MTRR: variants seen among roughly 807,000 people sequenced by gnomAD.
The protein encoded by MTRR is 5-methyltetrahydrofolate-homocysteine methyltransferase reductase.
A neutral mutation model predicts 79.2 loss-of-function variants in MTRR; 63 were observed. The observed-to-expected ratio is 0.80, with a 90% CI of 0.65 to 0.98. The LOEUF (loss-of-function observed/expected upper bound fraction) is 0.98, where lower values mean the gene tolerates loss of function less well. Among genes scored for constraint, MTRR ranks in the 50% least tolerant of loss-of-function variants. The probability of loss-of-function intolerance (pLI) is 0.00; values close to 1 mark genes in which losing one functional copy is unlikely to be tolerated. For synonymous variants in MTRR, 355 were observed against 313.3 expected (o/e 1.13, Z -1.41); for missense variants, 895 against 839.6 (o/e 1.07, Z -0.82).
Position 7,878,231 on chromosome 5 carries a change from G to T in MTRR, c.689G>T (p.Arg230Leu). ...VIEDFESSLT[R>L]SVPPLSQASL... ...GAAGACTTTGAGTCCTCACTTACCC[G>T]TTCGGTACCCCCACTCTCACAAGCC... The change falls in exon 5 of 15, where the codon CGT (arginine) becomes CTT (leucine). Residue 230 changes from arginine (R) to leucine (L), a missense_variant. Arg to Leu is a moderately radical substitution (Grantham distance 102, BLOSUM62 -2). Coordinates refer to ENST00000440940, the MANE Select transcript of MTRR (RefSeq NM_002454.3). The T allele has an allele frequency of 6.2e-7, 1 of 1,614,174 alleles. No homozygotes were observed. Among genetic ancestry groups the T allele is most frequent in the Non-Finnish European group, 8.5e-7 (1 of 1,180,036 alleles).
chr5:7,867,232 G>C (rs1300656655), upstream of MTRR: 1 of 1,613,994 alleles, frequency 6.2e-7, no homozygotes, highest in South Asian at 1.1e-5. Flanking sequence ...CTATTGATAG[G>C]GAAAAGTTGT....
rs867018730 is a variant in MTRR at position 7,878,174 on chromosome 5, C to T, written c.632C>T (p.Ala211Val). 2 of 1,614,148 alleles carry T rather than the reference C, an allele frequency of 1.2e-6. No individual in the cohort carries two copies. Among genetic ancestry groups the T allele is most frequent in the African/African-American group, 1.3e-5 (1 of 75,030 alleles). The change falls in exon 5 of 15, where the codon GCA (alanine) becomes GTA (valine). Residue 211 changes from alanine to valine, a missense_variant. By Grantham distance (64) the Ala-to-Val change is moderately conservative. Coordinates refer to ENST00000440940, the MANE Select transcript of MTRR (RefSeq NM_002454.3). Reference protein sequence around the residue: ...RKDSEVLKQNAVNSNQSNVVI... With the variant: ...RKDSEVLKQNVVNSNQSNVVI... Reference sequence around the variant, plus strand: ...GATTCTGAGGTTTTGAAGCAAAATGCAGTGAACAGCAACCAATCCAATGTT... The same window carrying T: ...GATTCTGAGGTTTTGAAGCAAAATGTAGTGAACAGCAACCAATCCAATGTT...
chr5:7,878,234 C>A lies in MTRR; in HGVS notation c.692C>A (p.Ser231Ter). Residue 231 changes from serine (S) to a stop codon, truncating the protein, a stop_gained, in exon 5 of 15, where the codon TCG becomes TAG. Coordinates refer to ENST00000440940, the MANE Select transcript of MTRR (RefSeq NM_002454.3). LOFTEE classifies it high-confidence loss of function. ...IEDFESSLTR[S>*]VPPLSQASLN... ...GACTTTGAGTCCTCACTTACCCGTT[C>A]GGTACCCCCACTCTCACAAGCCTCT... 1 of 1,614,166 alleles carries A rather than the reference C, an allele frequency of 6.2e-7. No individual in the cohort carries two copies. Among genetic ancestry groups the A allele is most frequent in the Non-Finnish European group, 8.5e-7 (1 of 1,180,026 alleles).
chr5:7,889,258 C>T lies in MTRR; in HGVS notation c.1310C>T (p.Pro437Leu). The change falls in exon 9 of 15, where the codon CCA (proline) becomes CTA (leucine). Residue 437 changes from proline (P) to leucine (L), a missense_variant. Physicochemically the swap from Pro to Leu is moderately conservative, Grantham distance 98. Coordinates refer to ENST00000440940, the MANE Select transcript of MTRR (RefSeq NM_002454.3). Reference protein sequence around the residue: ...LLLAFPSCQPPLSLLLEHLPK... With the variant: ...LLLAFPSCQPLLSLLLEHLPK... Reference sequence around the variant, plus strand: ...CTCGCTTTCCCTTCTTGCCAGCCACCACTCAGTCTCCTGCTCGGTGAGTAG... The same window carrying T: ...CTCGCTTTCCCTTCTTGCCAGCCACTACTCAGTCTCCTGCTCGGTGAGTAG... The T allele has an allele frequency of 6.2e-7, 1 of 1,612,882 alleles. No homozygotes were observed. Among genetic ancestry groups the T allele is most frequent in the Non-Finnish European group, 8.5e-7 (1 of 1,180,022 alleles).
rs2126643754 is a variant in MTRR at position 7,870,802 on chromosome 5, G to T, written c.8G>T (p.Arg3Met). 6.2e-7 allele frequency: 1 copy of T among 1,614,130 alleles called. No individual in the cohort carries two copies. The highest frequency in any genetic ancestry group is 8.5e-7 in the Non-Finnish European group (1 of 1,180,016). Residue 3 changes from arginine (R) to methionine (M), a missense_variant, in exon 2 of 15, where the codon AGG becomes ATG. Physicochemically the swap from Arg to Met is moderately conservative, Grantham distance 91. Coordinates refer to ENST00000440940, the MANE Select transcript of MTRR (RefSeq NM_002454.3). Reference protein sequence around the residue: MRRFLLLYATQQG... With the variant: MRMFLLLYATQQG... ...GTTACATGCCTTGAAGTGATGAGGAGGTTTCTGTTACTATATGCTACACAG... is the reference window on the plus strand; with the variant it reads ...GTTACATGCCTTGAAGTGATGAGGATGTTTCTGTTACTATATGCTACACAG...
At chr5:7,889,065 T>C in intron 8 of MTRR, 30 bp from the exon 9 acceptor site, 1 of 1,610,806 alleles carries the variant, frequency 6.2e-7, no homozygotes. Flanking sequence ...ACAAATTGTG[T>C]CACAATTTAA....
intron 4 of MTRR, 121 bp downstream of exon 4, chr5:7,875,496 C>CT: frequency 1.1e-6 from 1 of 927,968 alleles, no homozygotes; most frequent in Non-Finnish European, 1.8e-6. Flanking sequence ...CTTTTGTTCG[C>CT]TTTTTTAGCT....
rs1034070874 is a variant in MTRR at position 7,860,728 on chromosome 5, T to C, written n.392-1223T>C. Among the ~76,000 whole-genome samples the C allele has an allele frequency of 3.9e-5, 6 of 152,254 alleles. 1 individual carries two copies. Among genetic ancestry groups the C allele is most frequent in the Non-Finnish European group, 7.3e-5 (5 of 68,042 alleles). ...TGAGCAGACCAAGCCAGTTGGGCCT[T>C]GAAAATAACCTTAACTTTGCTTAAA... On this transcript the variant is annotated intron_variant and non_coding_transcript_variant, in intron 1 of 3. Transcript: ENST00000502509.
At chr5:7,888,681 A>AG (rs1209500892) in intron 8 of MTRR, among the ~76,000 whole-genome samples, 1 of 152,236 alleles carries the variant, frequency 6.6e-6, no homozygotes, top group Admixed American at 6.5e-5. Flanking sequence ...TTAAAGTAGC[A>AG]GTACCCATTA....
At chr5:7,864,927 GTTT>G (rs1489222945), upstream of MTRR, among the ~76,000 whole-genome samples, 1 of 152,096 alleles carries the variant, frequency 6.6e-6, no homozygotes, top group Admixed American at 6.5e-5. Flanking sequence ...TTGCAAGAAT[GTTT>G]ATTATAGCAT....
chr5:7,867,283 A>G (rs1293947526), upstream of MTRR: 2 of 1,613,642 alleles, frequency 1.2e-6, no homozygotes, highest in Admixed American at 3.3e-5. Flanking sequence ...CCACTTTTTC[A>G]GTACATGCCT....
intron 1 of MTRR, chr5:7,870,077 T>A: frequency 1.0e-6 from 1 of 985,356 alleles, no homozygotes; most frequent in South Asian, 4.7e-5. Flanking sequence ...TTTGTTTTAC[T>A]ACTGCTTATC....
chr5:7,886,799 T>C, intron 8 of MTRR, 96 bp downstream of exon 8: 1 of 961,896 alleles, frequency 1.0e-6, no homozygotes, highest in Non-Finnish European at 1.7e-6. Flanking sequence ...CTTTGCAGTC[T>C]TAAAAAATGT....
At chr5:7,877,474 C>T (rs1210647663) in intron 4 of MTRR, among the ~76,000 whole-genome samples, 1 of 111,234 alleles carries the variant, frequency 9.0e-6, no homozygotes, top group East Asian at 2.5e-4. Context: ...CTGTAGGAAA[C>T]AGATCAGTAG....
chr5:7,851,124 G>T (rs1579508706), upstream of MTRR: 1 of 1,206,010 alleles, frequency 8.3e-7, no homozygotes, highest in Non-Finnish European at 1.0e-6. Flanking sequence ...CCAGCGTCTA[G>T]CCCGCGTCTG....
chr5:7,850,957 A>G, upstream of MTRR: 1 of 1,333,374 alleles, frequency 7.5e-7, no homozygotes, highest in Non-Finnish European at 9.6e-7. Flanking sequence ...CTGCGCCGAG[A>G]CGGGCGGCGG....
chr5:7,882,210 G>A (rs1272018927), intron 5 of MTRR, among the ~76,000 whole-genome samples: 1 of 152,196 alleles, frequency 6.6e-6, no homozygotes. Context: ...GGAGCTGGTG[G>A]GTCTTCAGAG....
chr5:7,855,590 A>C (rs1380374317), intron 1 of MTRR, among the ~76,000 whole-genome samples: 2 of 152,074 alleles, frequency 1.3e-5, no homozygotes, highest in African/African-American at 4.8e-5. Flanking sequence ...TCCTGGCCTC[A>C]AGTAATCCTC....
At chr5:7,882,971 G>C (rs1324444559) in intron 5 of MTRR, among the ~76,000 whole-genome samples, 184 bp from the exon 6 acceptor site, 1 of 152,162 alleles carries the variant, frequency 6.6e-6, no homozygotes, top group Non-Finnish European at 1.5e-5. Flanking sequence ...AAGCGTTTGA[G>C]ATAGAATTGA....
Sources: gnomAD v4.1 joint callset for allele counts (sites outside exome capture counted in the v4.1 genomes callset) on GRCh38, gnomAD v4.1.1 for gene constraint, MANE v1.5 for transcripts, NCBI Gene and HGNC (gene_info 2026-07-23, HGNC 2026-07-21) for gene names.